The following LYN variants were observed in gnomAD, a reference collection of about 807,000 sequenced individuals.
LYN encodes tyrosine-protein kinase Lyn.
A neutral mutation model predicts 65.0 loss-of-function variants in LYN; 12 were observed. The observed-to-expected ratio is 0.18, with a 90% confidence interval of 0.12 to 0.30. The LOEUF is 0.30. Among genes scored for constraint, LYN ranks in the 10% least tolerant of loss-of-function variants. The pLI is 1.00. For missense variants in LYN, 380 were observed against 623.2 expected (o/e 0.61, Z 4.16); for synonymous variants, 222 against 221.2 (o/e 1.00, Z -0.03).
At position 55,947,678 on chromosome 8, in the gene LYN, A is replaced by G; in HGVS notation, c.239A>G (p.Asp80Gly). The stretch of plus-strand genomic sequence containing the variant: ...TACCCCTATGATGGCATCCACCCGG[A>G]CGACTTGTCTTTCAAGAAAGGAGAG... ...ALYPYDGIHPDDLSFKKGEKM... is the reference protein window; with the variant it reads ...ALYPYDGIHPGDLSFKKGEKM... The change falls in exon 4 of 13, where the codon GAC becomes GGC. Residue 80 changes from aspartate (D) to glycine (G), a missense_variant. By Grantham distance (94) the Asp-to-Gly change is moderately conservative. Coordinates refer to ENST00000519728, the MANE Select transcript of LYN (RefSeq NM_002350.4). 6.2e-7 allele frequency: 1 copy of G among 1,614,076 alleles called. No homozygotes were observed. Among genetic ancestry groups the G allele is most frequent in the Non-Finnish European group, 8.5e-7 (1 of 1,179,922 alleles).
intron 9 of LYN, among the ~76,000 whole-genome samples, chr8:55,968,976 T>C (rs1807534214): frequency 4.6e-5 from 7 of 152,212 alleles, no homozygotes; most frequent in Admixed American, 4.6e-4. Flanking sequence ...CAAAGCACAG[T>C]TCACTCATCA....
chr8:55,901,836 A>C (rs561028628), intron 1 of LYN, among the ~76,000 whole-genome samples: 2 of 152,294 alleles, frequency 1.3e-5, no homozygotes, highest in South Asian at 4.1e-4. Context: ...TGGCTCAACC[A>C]AAGATAAGCA....
At chr8:55,940,330 G>A (rs1806571220) in intron 1 of LYN, 1 of 152,252 alleles carries the variant, frequency 6.6e-6, no homozygotes, top group Admixed American at 6.5e-5. Flanking sequence ...TCTGTTCGGT[G>A]AGAACCAACT....
intron 1 of LYN, among the ~76,000 whole-genome samples, chr8:55,889,148 T>A (rs1330852172): frequency 7.1e-6 from 1 of 141,678 alleles, no homozygotes; most frequent in East Asian, 1.9e-4. Flanking sequence ...ACTGGGTAGC[T>A]AGGATTACAG....
rs755707578 is a variant in LYN at position 55,917,584 on chromosome 8, AG to A, written c.-5-24267del. ...GAGGATAGTGCTAATGAACTGTGAC[AG>A]GGGCTAGCAAGAAAGAAAGAAAAAG... On this transcript the variant is annotated intron_variant, in intron 1 of 12. Coordinates refer to ENST00000519728, the MANE Select transcript of LYN (RefSeq NM_002350.4). Among the ~76,000 whole-genome samples the A allele has an allele frequency of 8.5e-4, 129 of 152,298 alleles. 1 individual carries two copies. In the Middle Eastern group the frequency reaches 0.014, roughly 16 times the overall value.
chr8:55,996,457 T>A (rs986785399), intron 10 of LYN, among the ~76,000 whole-genome samples: 1 of 152,216 alleles, frequency 6.6e-6, no homozygotes, highest in Non-Finnish European at 1.5e-5. Context: ...GCAGAATACA[T>A]TCATTCCTGT....
intron 1 of LYN, among the ~76,000 whole-genome samples, chr8:55,923,367 G>A (rs1279473681): frequency 1.6e-4 from 24 of 151,994 alleles, no homozygotes. Context: ...TCTCTGTCAA[G>A]CTACACCTGC....
chr8:55,899,713 G>T (rs1563499896), intron 1 of LYN, among the ~76,000 whole-genome samples: 1 of 151,932 alleles, frequency 6.6e-6, no homozygotes. Flanking sequence ...GCAATGGCAC[G>T]ATCTCAGTTC....
chr8:55,927,880 T>C (rs1487435576), intron 1 of LYN, among the ~76,000 whole-genome samples: 1 of 152,102 alleles, frequency 6.6e-6, no homozygotes, highest in Non-Finnish European at 1.5e-5. Context: ...AACATCTATG[T>C]GCAGGTTTTT....
intron 4 of LYN, among the ~76,000 whole-genome samples, chr8:55,948,256 G>A (rs1207247398): frequency 1.3e-5 from 2 of 152,174 alleles, no homozygotes; most frequent in Admixed American, 1.3e-4. Context: ...TTACAGGTGT[G>A]AGCCACCACA....
chr8:55,911,098 TACATACACGTATATATAC>T (rs1805594064), intron 1 of LYN, among the ~76,000 whole-genome samples: 2 of 11,682 alleles, frequency 1.7e-4, no homozygotes, highest in Admixed American at 8.1e-4. Context: ...TATATATATA[TACATACACGTATATATAC>T]GTATATATAT....
intron 1 of LYN, among the ~76,000 whole-genome samples, chr8:55,929,607 C>T (rs890468305): frequency 6.6e-6 from 1 of 152,152 alleles, no homozygotes; most frequent in Admixed American, 6.6e-5. Context: ...ATGAAGCTTT[C>T]ATAAGGGGAT....
chr8:55,967,167 C>G (rs1215862765), intron 9 of LYN, among the ~76,000 whole-genome samples: 1 of 149,002 alleles, frequency 6.7e-6, no homozygotes, highest in African/African-American at 2.5e-5. Flanking sequence ...CTAGTAGCCC[C>G]CAATAAATAT....
At chr8:55,900,726 C>G (rs926135854) in intron 1 of LYN, among the ~76,000 whole-genome samples, 2 of 152,100 alleles carry the variant, frequency 1.3e-5, no homozygotes, top group South Asian at 4.1e-4. Context: ...TTTTTTATAG[C>G]TAAGATTTAA....
intron 1 of LYN, among the ~76,000 whole-genome samples, chr8:55,933,612 G>C (rs532504926): frequency 2.6e-5 from 4 of 152,296 alleles, no homozygotes; most frequent in African/African-American, 9.6e-5. Flanking sequence ...GGCAATTACA[G>C]TCCAGAGAAA....
At chr8:55,998,814 C>T (rs1808443120) in intron 11 of LYN, among the ~76,000 whole-genome samples, 2 of 152,182 alleles carry the variant, frequency 1.3e-5, no homozygotes, top group African/African-American at 2.4e-5. Flanking sequence ...TTCACTCAAA[C>T]AATGAATATA....
At chr8:56,001,298 C>T (rs1167553166) in intron 12 of LYN, among the ~76,000 whole-genome samples, 1 of 152,070 alleles carries the variant, frequency 6.6e-6, no homozygotes, top group African/African-American at 2.4e-5. Flanking sequence ...TCTAGACAGT[C>T]GATGGATGAG....
At chr8:56,008,027 G>A (rs1012908641) in intron 12 of LYN, among the ~76,000 whole-genome samples, 3 of 151,624 alleles carry the variant, frequency 2.0e-5, no homozygotes, top group Non-Finnish European at 4.4e-5. Flanking sequence ...GCTGAGGCAG[G>A]AGAATCGCTT....
At chr8:55,887,005 C>T (rs1047998567) in intron 1 of LYN, among the ~76,000 whole-genome samples, 2 of 152,220 alleles carry the variant, frequency 1.3e-5, no homozygotes, top group Admixed American at 6.5e-5. Context: ...TTTCATCCCC[C>T]CTTCCAACGT....
Sources: gnomAD v4.1 joint callset for allele counts (sites outside exome capture counted in the v4.1 genomes callset) on GRCh38, gnomAD v4.1.1 for gene constraint, MANE v1.5 for transcripts, NCBI Gene and HGNC (gene_info 2026-07-23, HGNC 2026-07-21) for gene names.